Variants in ALG13 observed in about 807,000 individuals in gnomAD.
ALG13 encodes the protein ALG13 UDP-N-acetylglucosaminyltransferase subunit.
ALG13 carries 11 observed loss-of-function variants against 87.8 expected under a neutral mutation model. The observed-to-expected ratio is 0.13, with a 90% CI of 0.08 to 0.21. ALG13 has a LOEUF of 0.21. Among genes scored for constraint, ALG13 ranks in the 10% least tolerant of loss-of-function variants. ALG13 has a pLI of 1.00. For missense variants in ALG13, 756 were observed against 866.1 expected, an observed-to-expected ratio of 0.87 and a Z score of 1.60; for synonymous variants, 320 against 306.3, an observed-to-expected ratio of 1.04 and a Z score of -0.47.
chrX:111,708,135 G>A lies in ALG13; in HGVS notation c.492G>A (p.Leu164=). The A allele has an allele frequency of 8.3e-7, 1 of 1,211,671 alleles. No homozygotes were observed. The highest frequency in any genetic ancestry group is 3.0e-5 in the East Asian group (1 of 33,816). ...CCTTTTCAGGCCTAGACTTTGGGCT[G>A]CTTTCCGGATACCTGCATAAGCAAG... ...STAFSGLDFG[L]LSGYLHKQAL... The change falls in exon 4 of 27, where the codon CTG becomes CTA. Residue 164 remains leucine (L), a synonymous_variant. Coordinates refer to ENST00000394780, the MANE Select transcript of ALG13 (RefSeq NM_001099922.3).
intron 8 of ALG13, among the ~76,000 whole-genome samples, chrX:111,715,104 G>A (rs1407715618): frequency 1.8e-5 from 2 of 111,868 alleles, no homozygotes; most frequent in African/African-American, 6.5e-5. Context: ...AATGTCTTGT[G>A]TATCTTACAG....
chrX:111,759,863 C>T lies in ALG13; in HGVS notation c.3278C>T (p.Ser1093Phe), dbSNP rs1465704791. ...DSCLPVVPDY[S>F]CVPPWHPVGT... ...TGCCTTCCGGTTGTGCCAGATTATT[C>T]CTGTGTTCCCCCCTGGCATCCAGTT... The change falls in exon 27 of 27, where the codon TCC becomes TTC. Residue 1093 changes from serine (S) to phenylalanine (F), a missense_variant. This residue lies in a region of ALG13 where 110 missense variants were observed against 104.9 expected (regional missense o/e 1.05). Coordinates refer to ENST00000394780, the MANE Select transcript of ALG13 (RefSeq NM_001099922.3). 7 of 1,208,997 alleles carry T rather than the reference C, an allele frequency of 5.8e-6. No individual in the cohort carries two copies. In the Admixed American group the frequency reaches 1.5e-4, roughly 27 times the overall value.
chrX:111,704,647 G>A (rs1938437272), intron 3 of ALG13, among the ~76,000 whole-genome samples: 1 of 111,649 alleles, frequency 9.0e-6, no homozygotes, highest in Non-Finnish European at 1.9e-5. Flanking sequence ...TATAGATTCA[G>A]GAAGTAGATT....
intron 5 of ALG13, among the ~76,000 whole-genome samples, chrX:111,711,461 C>T (rs1939758298): frequency 8.9e-6 from 1 of 112,105 alleles, no homozygotes; most frequent in African/African-American, 3.2e-5. Context: ...TGTGGATATG[C>T]CAGGACCAAT....
intron 23 of ALG13, among the ~76,000 whole-genome samples, chrX:111,741,225 A>G (rs1943709999): frequency 8.9e-6 from 1 of 111,947 alleles, no homozygotes; most frequent in Non-Finnish European, 1.9e-5. Flanking sequence ...CAAAGGGCCC[A>G]GGTTCTTTAA....
At chrX:111,749,572 A>G (rs73544233) in intron 24 of ALG13, among the ~76,000 whole-genome samples, 5,650 of 109,741 alleles carry the variant, frequency 0.051, 362 homozygotes, top group African/African-American at 0.18. Context: ...GAGAATGCCA[A>G]TTCTTAACAG....
At chrX:111,718,065 T>G in intron 9 of ALG13, 47 bp from the exon 10 acceptor site, 1 of 1,121,738 alleles carries the variant, frequency 8.9e-7, no homozygotes. Flanking sequence ...ACATAGTTAA[T>G]ATAAATCTTA....
In ALG13 at chrX:111,723,813, G is replaced by A; in HGVS notation, c.1516G>A (p.Glu506Lys). The A allele has an allele frequency of 1.7e-6, 2 of 1,177,291 alleles. No individual in the cohort carries two copies. The highest frequency in any genetic ancestry group is 3.5e-5 in the African/African-American group (2 of 56,967). The change falls in exon 14 of 27, where the codon GAA becomes AAA. Residue 506 changes from glutamate to lysine, a missense_variant. Physicochemically the swap from Glu to Lys is moderately conservative, Grantham distance 56 (BLOSUM62 1). Coordinates refer to ENST00000394780, the MANE Select transcript of ALG13 (RefSeq NM_001099922.3). Reference protein sequence around the residue: ...GDKCQVCLESEGRYYNAHIQE... With the variant: ...GDKCQVCLESKGRYYNAHIQE... ...CTCTTTTCAGGTTTGCTTGGAATCA[G>A]AAGGAAGATATTATAATGCTCATAT...
intron 25 of ALG13, 42 bp from the exon 26 acceptor site, chrX:111,757,546 G>T: frequency 1.0e-6 from 1 of 994,439 alleles, no homozygotes; most frequent in Non-Finnish European, 1.4e-6. Context: ...GAATAGAGAA[G>T]AGTGAAGTTT....
chrX:111,699,585 A>T (rs1255030803), intron 3 of ALG13, among the ~76,000 whole-genome samples: 6 of 111,498 alleles, frequency 5.4e-5, no homozygotes, highest in African/African-American at 2.0e-4. Context: ...TAAGGATCCA[A>T]CTTCATTCTT....
chrX:111,681,181 A>G lies in ALG13; in HGVS notation c.-38A>G, dbSNP rs1357636046. The G allele has an allele frequency of 8.4e-7, 1 of 1,187,660 alleles. No homozygotes were observed. Among genetic ancestry groups the G allele is most frequent in the Non-Finnish European group, 1.1e-6 (1 of 873,574 alleles). On this transcript the variant is annotated 5_prime_UTR_variant, in exon 1 of 27. In the 5' UTR this introduces an upstream ATG that the reference lacks. Transcript: ENST00000394780. ...ACGTGCGTGGCCTCAGTTGCGTCAT[A>G]TCCGGCCCTTGCGATCAGGGCTTGA...
intron 25 of ALG13, among the ~76,000 whole-genome samples, chrX:111,756,450 T>C (rs1945266862): frequency 8.9e-6 from 1 of 111,823 alleles, no homozygotes; most frequent in Non-Finnish European, 1.9e-5. Context: ...AGCACTCATG[T>C]GTTCATAGAT....
At chrX:111,734,982 A>T in intron 21 of ALG13, 69 bp from the exon 22 acceptor site, 1 of 762,390 alleles carries the variant, frequency 1.3e-6, no homozygotes, top group Non-Finnish European at 2.0e-6. Flanking sequence ...ATATAGTTTT[A>T]AAATATGTTG....
chrX:111,681,913 T>C (rs1479075798), intron 1 of ALG13: 1 of 898,432 alleles, frequency 1.1e-6, no homozygotes, highest in Non-Finnish European at 1.4e-6. Flanking sequence ...TTCGCGGGAC[T>C]CTGCGAGCTG....
intron 1 of ALG13, 42 bp downstream of exon 1, chrX:111,681,341 C>T (rs879057105): frequency 8.3e-7 from 1 of 1,208,166 alleles, no homozygotes; most frequent in Non-Finnish European, 1.1e-6. Flanking sequence ...GGCTCGCCAC[C>T]CGCCATCTCC....
intron 3 of ALG13, chrX:111,689,401 A>G (rs754345449): frequency 5.3e-6 from 4 of 753,503 alleles, no homozygotes; most frequent in Non-Finnish European, 6.3e-6. Flanking sequence ...ATTAAAGAGA[A>G]ACAAATGAAA....
rs1055093180 is a variant in ALG13 at position 111,748,762 on chromosome X, A to AT, written c.2932+3864dup. Among the ~76,000 whole-genome samples the AT allele has an allele frequency of 1.5e-4, 17 of 111,397 alleles. 1 individual carries two copies. The highest frequency in any genetic ancestry group is 9.2e-3 in the Middle Eastern group (2 of 217). On this transcript the variant is annotated intron_variant, in intron 24 of 26. Transcript: ENST00000394780. ...TAATTCTGATGGAATCTAATTGATCATTTTTTGGTGTGTATTGCTTTCTGT... is the reference window on the plus strand; with the variant it reads ...TAATTCTGATGGAATCTAATTGATCATTTTTTTGGTGTGTATTGCTTTCTGT...
At chrX:111,725,143 G>A (rs1941836398) in intron 15 of ALG13, 82 bp downstream of exon 15, 18 of 1,072,395 alleles carry the variant, frequency 1.7e-5, no homozygotes, top group Non-Finnish European at 2.0e-5. Flanking sequence ...TTTTTTAAAT[G>A]TATGTCATAT....
chrX:111,755,169 A>G (rs1945125961), intron 25 of ALG13, among the ~76,000 whole-genome samples: 1 of 112,167 alleles, frequency 8.9e-6, no homozygotes, highest in African/African-American at 3.2e-5. Flanking sequence ...GACAAAAACA[A>G]GGAATGGGGA....
Sources: allele counts gnomAD v4.1 joint callset (sites outside exome capture counted in the v4.1 genomes callset), GRCh38; gene constraint gnomAD v4.1.1; regional missense constraint gnomAD v4.1.1; transcripts MANE v1.5; gene names NCBI Gene and HGNC (gene_info 2026-07-23, HGNC 2026-07-21).